POU6F2: variants seen among roughly 807,000 people sequenced by gnomAD.
POU6F2 encodes the protein POU domain, class 6, transcription factor 2.
In POU6F2, 31 loss-of-function variants were observed where a neutral mutation model predicts 71.3. The observed-to-expected ratio is 0.43, with a 90% CI of 0.33 to 0.59. The LOEUF (loss-of-function observed/expected upper bound fraction) is 0.59, where lower values mean the gene tolerates loss of function less well. POU6F2 is among the 20% of genes least tolerant of loss of function. POU6F2 has a pLI of 0.04. For synonymous variants in POU6F2, 347 were observed against 355.7 expected (o/e 0.98, Z 0.27); for missense variants, 783 against 856.8 (o/e 0.91, Z 1.07).
At chr7:38,989,137 G>T (rs1377614990) in intron 1 of POU6F2, among the ~76,000 whole-genome samples, 1 of 152,008 alleles carries the variant, frequency 6.6e-6, no homozygotes, top group Non-Finnish European at 1.5e-5. Flanking sequence ...TTGAGGCTAG[G>T]AGCCACACTA....
intron 2 of POU6F2, among the ~76,000 whole-genome samples, chr7:39,098,704 C>T (rs1385201715): frequency 6.6e-6 from 1 of 152,218 alleles, no homozygotes; most frequent in Non-Finnish European, 1.5e-5. Flanking sequence ...TCAGCTTCCC[C>T]ATCTCTGCAT....
intron 4 of POU6F2, among the ~76,000 whole-genome samples, chr7:39,209,468 G>A (rs1235050413): frequency 6.6e-6 from 1 of 152,146 alleles, no homozygotes; most frequent in Non-Finnish European, 1.5e-5. Context: ...TTTGACTGAC[G>A]TTGGAGGGAA....
At chr7:39,170,568 C>A (rs536370537) in intron 2 of POU6F2, among the ~76,000 whole-genome samples, 205 of 152,204 alleles carry the variant, frequency 1.3e-3, no homozygotes, top group Non-Finnish European at 2.0e-3. Flanking sequence ...CTTACCTAAT[C>A]CTCATTTAAC....
At chr7:39,218,581 G>A (rs563040088) in intron 4 of POU6F2, among the ~76,000 whole-genome samples, 18 of 152,202 alleles carry the variant, frequency 1.2e-4, no homozygotes, top group Middle Eastern at 3.4e-3. Flanking sequence ...TTGGTTGATC[G>A]ATTTCACAAA....
chr7:39,302,705 T>C (rs1784971854), intron 4 of POU6F2, among the ~76,000 whole-genome samples: 1 of 152,256 alleles, frequency 6.6e-6, no homozygotes, highest in African/African-American at 2.4e-5. Context: ...AAATTACTTC[T>C]TAGATAAGCA....
intron 4 of POU6F2, among the ~76,000 whole-genome samples, chr7:39,285,836 C>A (rs1784639992): frequency 6.6e-6 from 1 of 152,244 alleles, no homozygotes; most frequent in African/African-American, 2.4e-5. Flanking sequence ...TTTCTTCCCA[C>A]TCCTGGTGCC....
chr7:39,220,069 T>G (rs1264367407), intron 4 of POU6F2, among the ~76,000 whole-genome samples: 1 of 152,200 alleles, frequency 6.6e-6, no homozygotes, highest in Non-Finnish European at 1.5e-5. Context: ...AGCCAAATAA[T>G]TGAGAGTGAA....
intron 4 of POU6F2, among the ~76,000 whole-genome samples, chr7:39,304,192 A>G (rs1372816076): frequency 2.6e-5 from 4 of 152,240 alleles, no homozygotes; most frequent in Non-Finnish European, 5.9e-5. Flanking sequence ...AAGCTGCAAC[A>G]CATATGGTAG....
intron 2 of POU6F2, among the ~76,000 whole-genome samples, chr7:39,104,350 T>G (rs964369463): frequency 2.6e-5 from 4 of 152,244 alleles, no homozygotes; most frequent in Admixed American, 2.6e-4. Context: ...TCTGACTTAG[T>G]GTTAGCTGTG....
chr7:39,458,484 A>T (rs899298679), intron 8 of POU6F2, among the ~76,000 whole-genome samples: 7 of 152,096 alleles, frequency 4.6e-5, no homozygotes, highest in Admixed American at 3.3e-4. Context: ...GAAAGGAAAA[A>T]AGGGCTCGAG....
chr7:39,133,079 T>TA (rs1313948528), intron 2 of POU6F2, among the ~76,000 whole-genome samples: 2 of 152,252 alleles, frequency 1.3e-5, no homozygotes, highest in Admixed American at 6.5e-5. Context: ...AGATAGTAAG[T>TA]ACTGCCTACA....
intron 1 of POU6F2, among the ~76,000 whole-genome samples, chr7:39,015,816 A>G (rs1158813808): frequency 1.1e-4 from 8 of 72,532 alleles, no homozygotes; most frequent in African/African-American, 4.0e-4. Flanking sequence ...TTATATAGGT[A>G]TATATTATAT....
At chr7:39,123,942 A>G (rs1263315619) in intron 2 of POU6F2, among the ~76,000 whole-genome samples, 4 of 152,196 alleles carry the variant, frequency 2.6e-5, no homozygotes, top group African/African-American at 9.7e-5. Context: ...CATAGATGCA[A>G]TATAAATTGC....
At chr7:39,187,888 A>G (rs967017922) in intron 2 of POU6F2, among the ~76,000 whole-genome samples, 1 of 152,146 alleles carries the variant, frequency 6.6e-6, no homozygotes, top group Non-Finnish European at 1.5e-5. Flanking sequence ...CATATGCCTG[A>G]GTTAATTCTT....
intron 6 of POU6F2, among the ~76,000 whole-genome samples, chr7:39,411,078 C>T (rs1348837223): frequency 1.3e-5 from 2 of 152,300 alleles, no homozygotes; most frequent in East Asian, 3.9e-4. Context: ...GTTTTCAGTT[C>T]ATAACTGTGC....
intron 4 of POU6F2, among the ~76,000 whole-genome samples, chr7:39,335,010 A>C (rs541628582): frequency 4.5e-4 from 68 of 152,326 alleles, no homozygotes; most frequent in Non-Finnish European, 6.9e-4. Context: ...TATGTCACAG[A>C]GTTCTGTGGA....
chr7:39,148,586 A>G (rs968184323), intron 2 of POU6F2, among the ~76,000 whole-genome samples: 1 of 151,982 alleles, frequency 6.6e-6, no homozygotes, highest in African/African-American at 2.4e-5. Flanking sequence ...TGATGATGAT[A>G]ATGATGATAA....
intron 2 of POU6F2, among the ~76,000 whole-genome samples, chr7:39,150,265 T>C (rs1426115820): frequency 4.3e-5 from 3 of 70,296 alleles, no homozygotes; most frequent in Admixed American, 2.7e-4. Context: ...GTGTGTAGCA[T>C]CTAGGTTGTT....
rs764248294 is a variant in POU6F2 at position 39,468,239 on chromosome 7, G to A, written c.*3553G>A. ...TGTGCTGTGATCTAGACTGGTCACC[G>A]GGGTCACTTATGAGGCACCACAAAG... On this transcript the variant is annotated 3_prime_UTR_variant, in exon 10 of 10. Transcript: ENST00000518318. 3 of 149,314 alleles carry A rather than the reference G, an allele frequency of 2.0e-5. No homozygotes were observed. The highest frequency in any genetic ancestry group is 1.9e-4 in the East Asian group (1 of 5,152). The allele number at this position is 149,314 out of a possible 1,614,324, so 9.2% of individuals were successfully genotyped here.
Sources: allele counts gnomAD v4.1 joint callset (sites outside exome capture counted in the v4.1 genomes callset), GRCh38; gene constraint gnomAD v4.1.1; transcripts MANE v1.5; gene names NCBI Gene and HGNC (gene_info 2026-07-23, HGNC 2026-07-21).